IL1RAPL2: variants seen among roughly 807,000 people sequenced by gnomAD.
IL1RAPL2 encodes interleukin 1 receptor accessory protein like 2.
Under a neutral mutation model 44.1 loss-of-function variants are expected in IL1RAPL2, and 3 were observed. That is an observed-to-expected ratio of 0.07 (90% CI 0.03 to 0.18). The LOEUF (loss-of-function observed/expected upper bound fraction) is 0.18, where lower values mean the gene tolerates loss of function less well. IL1RAPL2 is among the 10% of genes least tolerant of loss of function. IL1RAPL2 has a pLI of 1.00. For synonymous variants in IL1RAPL2, 181 were observed against 178.8 expected, an observed-to-expected ratio of 1.01 and a Z score of -0.10; for missense variants, 391 against 496.4, an observed-to-expected ratio of 0.79 and a Z score of 2.02.
At chrX:105,199,318 T>TTA (rs2147614133) in intron 3 of IL1RAPL2, among the ~76,000 whole-genome samples, 1 of 109,219 alleles carries the variant, frequency 9.2e-6, no homozygotes, top group African/African-American at 3.3e-5. Flanking sequence ...GTTGTATTTT[T>TTA]TTTTTTTTTT....
intron 6 of IL1RAPL2, among the ~76,000 whole-genome samples, chrX:105,666,929 C>T (rs942703811): frequency 3.6e-5 from 4 of 111,795 alleles, no homozygotes; most frequent in East Asian, 2.8e-4. Flanking sequence ...AAGCACATCA[C>T]GCGCTGTTGG....
intron 2 of IL1RAPL2, among the ~76,000 whole-genome samples, chrX:104,986,029 A>G (rs371009882): frequency 4.5e-5 from 5 of 112,269 alleles, no homozygotes; most frequent in African/African-American, 1.6e-4. Flanking sequence ...CTTTGCTCAC[A>G]ATATTTTCTT....
At position 105,420,900 on chromosome X, in the gene IL1RAPL2, G is replaced by A. The variant is rs141768497; in HGVS notation, c.698-63413G>A. 5.1e-3 allele frequency among the ~76,000 whole-genome samples: 573 copies of A among 111,711 alleles called. 2 individuals are homozygous for A. The highest frequency in any genetic ancestry group is 7.5e-3 in the Non-Finnish European group (398 of 53,138). On this transcript the variant is annotated intron_variant, in intron 5 of 10. Transcript: ENST00000372582. ...CATCTTCTGAACTTCCTCAAAAAGC[G>A]AAAGACAGATCTGAGAAACCTGTGC...
chrX:105,050,590 C>T (rs2031906198), intron 2 of IL1RAPL2, among the ~76,000 whole-genome samples: 1 of 111,958 alleles, frequency 8.9e-6, no homozygotes, highest in South Asian at 3.7e-4. Context: ...ATTTTTGTTA[C>T]AAGATCTTTG....
chrX:105,091,844 T>C (rs1410186928), intron 2 of IL1RAPL2, among the ~76,000 whole-genome samples: 3 of 111,866 alleles, frequency 2.7e-5, no homozygotes, highest in Admixed American at 9.5e-5. Context: ...CACTTATCCA[T>C]TGAATTAATA....
chrX:104,680,892 A>T (rs1377796226), intron 2 of IL1RAPL2, among the ~76,000 whole-genome samples: 2 of 112,102 alleles, frequency 1.8e-5, no homozygotes, highest in Non-Finnish European at 3.8e-5. Context: ...AACTTATCTA[A>T]TTTATCTATA....
At chrX:105,230,088 T>C (rs935744214) in intron 3 of IL1RAPL2, among the ~76,000 whole-genome samples, 1 of 112,365 alleles carries the variant, frequency 8.9e-6, no homozygotes, top group African/African-American at 3.2e-5. Flanking sequence ...TGAGCCACCA[T>C]GCCCGGCCAG....
At chrX:105,231,474 C>T (rs2034069827) in intron 3 of IL1RAPL2, among the ~76,000 whole-genome samples, 1 of 111,056 alleles carries the variant, frequency 9.0e-6, no homozygotes, top group Admixed American at 9.6e-5. Flanking sequence ...GGATATATAC[C>T]ATATGGGACT....
intron 6 of IL1RAPL2, among the ~76,000 whole-genome samples, chrX:105,701,970 A>C (rs2038123163): frequency 9.0e-6 from 1 of 111,590 alleles, no homozygotes; most frequent in African/African-American, 3.3e-5. Context: ...ACAAAATATA[A>C]TTAGCAAGAC....
At chrX:105,294,528 C>A (rs1037261461) in intron 5 of IL1RAPL2, among the ~76,000 whole-genome samples, 1 of 111,883 alleles carries the variant, frequency 8.9e-6, no homozygotes, top group Non-Finnish European at 1.9e-5. Context: ...GAAAAGTAAG[C>A]CAAATGAAAA....
chrX:105,252,174 G>A (rs1165236210), intron 4 of IL1RAPL2, among the ~76,000 whole-genome samples: 1 of 111,014 alleles, frequency 9.0e-6, no homozygotes, highest in African/African-American at 3.3e-5. Flanking sequence ...AATATAAATG[G>A]AATAATATGA....
At chrX:105,608,360 T>A (rs780715080) in intron 6 of IL1RAPL2, among the ~76,000 whole-genome samples, 1 of 111,732 alleles carries the variant, frequency 8.9e-6, no homozygotes, top group East Asian at 2.8e-4. Context: ...TCTGAGAGAA[T>A]TTTTAAAACC....
intron 1 of IL1RAPL2, among the ~76,000 whole-genome samples, chrX:104,646,973 C>T (rs1930053043): frequency 8.9e-6 from 1 of 111,748 alleles, no homozygotes; most frequent in Non-Finnish European, 1.9e-5. Flanking sequence ...AATTACCCTT[C>T]AACCTTAGAC....
At chrX:104,878,409 G>A (rs1922968674) in intron 2 of IL1RAPL2, among the ~76,000 whole-genome samples, 1 of 111,775 alleles carries the variant, frequency 8.9e-6, no homozygotes, top group Non-Finnish European at 1.9e-5. Flanking sequence ...AACCCAATAA[G>A]GTATGTATTC....
chrX:105,399,204 A>G (rs1381431842), intron 5 of IL1RAPL2, among the ~76,000 whole-genome samples: 1 of 111,462 alleles, frequency 9.0e-6, no homozygotes, highest in Non-Finnish European at 1.9e-5. Context: ...TGGCACCACC[A>G]ATGTTTTGGG....
intron 2 of IL1RAPL2, among the ~76,000 whole-genome samples, chrX:104,897,823 T>A (rs1923698240): frequency 8.9e-6 from 1 of 112,075 alleles, no homozygotes; most frequent in South Asian, 3.7e-4. Flanking sequence ...CTTTTATAAG[T>A]CAGATTCTAT....
At chrX:105,309,264 T>TG (rs1266271878) in intron 5 of IL1RAPL2, among the ~76,000 whole-genome samples, 2 of 106,815 alleles carry the variant, frequency 1.9e-5, no homozygotes, top group Non-Finnish European at 3.9e-5. Flanking sequence ...CTCAAACTCC[T>TG]GACCTCAAGT....
intron 5 of IL1RAPL2, among the ~76,000 whole-genome samples, chrX:105,469,084 AG>A (rs2036149601): frequency 8.9e-6 from 1 of 111,910 alleles, no homozygotes; most frequent in Non-Finnish European, 1.9e-5. Context: ...TCTGCATCAC[AG>A]AAAGGTAGGG....
chrX:104,813,929 C>T (rs955193049), intron 2 of IL1RAPL2, among the ~76,000 whole-genome samples: 1 of 111,898 alleles, frequency 8.9e-6, no homozygotes, highest in Non-Finnish European at 1.9e-5. Context: ...CTGTAATTGT[C>T]ATTTTGAAGG....
Sources: allele counts gnomAD v4.1 joint callset (sites outside exome capture counted in the v4.1 genomes callset), GRCh38; gene constraint gnomAD v4.1.1; transcripts MANE v1.5; gene names NCBI Gene and HGNC (gene_info 2026-07-23, HGNC 2026-07-21).